Variants in DNAH8 observed in about 807,000 individuals in gnomAD.
DNAH8 encodes dynein axonemal heavy chain 8.
In DNAH8, 382 loss-of-function variants were observed where a neutral mutation model predicts 562.1. The ratio of observed to expected loss-of-function variants is 0.68; its 90% CI spans 0.63 to 0.74. The LOEUF (loss-of-function observed/expected upper bound fraction) is 0.74. Among genes scored for constraint, DNAH8 ranks in the 30% least tolerant of loss-of-function variants. The pLI is 0.00. For synonymous variants in DNAH8, 1,881 were observed against 1,919.4 expected (o/e 0.98, Z 0.52); for missense variants, 5,203 against 5,620.4 (o/e 0.93, Z 2.37).
At chr6:38,944,106 C>T (rs568275005) in intron 79 of DNAH8, among the ~76,000 whole-genome samples, 2 of 152,166 alleles carry the variant, frequency 1.3e-5, no homozygotes, top group South Asian at 2.1e-4. Flanking sequence ...TTGGAAACAA[C>T]CAAGAAGAAA....
chr6:38,715,915 TAA>T (rs1562519733), intron 1 of DNAH8, among the ~76,000 whole-genome samples: 53 of 39,602 alleles, frequency 1.3e-3, no homozygotes, highest in African/African-American at 9.0e-3. Context: ...AATAAATAAA[TAA>T]ATAAATAAAT....
In DNAH8 at chr6:38,775,880, A is replaced by C. The variant is rs757558240; in HGVS notation, c.1891A>C (p.Ile631Leu). The C allele has an allele frequency of 1.7e-5, 28 of 1,612,944 alleles. No homozygotes were observed. The highest frequency in any genetic ancestry group is 4.0e-5 in the African/African-American group (3 of 74,890). The change falls in exon 13 of 93, where the codon ATT (isoleucine) becomes CTT (leucine). Residue 631 changes from isoleucine to leucine, a missense_variant. Physicochemically the swap from Ile to Leu is conservative, Grantham distance 5. Coordinates refer to ENST00000327475, the MANE Select transcript of DNAH8 (RefSeq NM_001206927.2). ...YQGVKKKQYD[I>L]LDPRRTEFDT... ...AGGGGTTAAGAAAAAGCAATATGAC[A>C]TTCTGGATCCAAGAAGGACAGAATT...
intron 88 of DNAH8, among the ~76,000 whole-genome samples, chr6:38,991,769 C>T (rs1764805618): frequency 6.6e-6 from 1 of 152,278 alleles, no homozygotes; most frequent in South Asian, 2.1e-4. Context: ...ACTTGCACTC[C>T]CTGGAACCTC....
chr6:38,923,440 T>C, intron 72 of DNAH8: 1 of 337,676 alleles, frequency 3.0e-6, no homozygotes, highest in Non-Finnish European at 5.5e-6. Context: ...CAGAGCCGTC[T>C]CCACTCCAGT....
At chr6:39,006,181 C>A (rs1765787930) in intron 88 of DNAH8, among the ~76,000 whole-genome samples, 1 of 152,208 alleles carries the variant, frequency 6.6e-6, no homozygotes. Flanking sequence ...CCCAGTGAGA[C>A]CTGTGTCATA....
intron 8 of DNAH8, among the ~76,000 whole-genome samples, chr6:38,747,463 T>G (rs1334481320): frequency 6.7e-6 from 1 of 149,856 alleles, no homozygotes; most frequent in Non-Finnish European, 1.5e-5. Context: ...CTTGGCTCAC[T>G]GCAACCTCCA....
Position 38,737,806 on chromosome 6 carries a change from T to A in DNAH8, c.953-3T>A, listed in dbSNP as rs1764213210. 7.0e-7 allele frequency: 1 copy of A among 1,432,544 alleles called. No homozygotes were observed. The highest frequency in any genetic ancestry group is 9.2e-7 in the Non-Finnish European group (1 of 1,089,934). 88.7% of individuals were successfully genotyped at this position (1,432,544 alleles called of 1,614,324 possible). ...TATTAAATGTCTTTTTTTTCCTTTT[T>A]AGGTGCTAGAATAAGTATTGAGGGA... On this transcript the variant is annotated splice_polypyrimidine_tract_variant and splice_region_variant and intron_variant, in intron 6 of 92. Transcript: ENST00000327475.
intron 88 of DNAH8, among the ~76,000 whole-genome samples, chr6:39,006,260 G>GT (rs1378173087): frequency 6.6e-6 from 1 of 152,190 alleles, no homozygotes; most frequent in Non-Finnish European, 1.5e-5. Flanking sequence ...GTGGCAATTT[G>GT]TTATAGCAGC....
chr6:38,828,085 C>G, intron 29 of DNAH8, 99 bp from the exon 30 acceptor site: 1 of 776,114 alleles, frequency 1.3e-6, no homozygotes, highest in Non-Finnish European at 2.1e-6. Flanking sequence ...AACATGCTGT[C>G]TTCTTCTAAG....
In DNAH8 at chr6:38,864,061, G is replaced by T; in HGVS notation, c.6498+1G>T. The T allele has an allele frequency of 6.2e-7, 1 of 1,600,880 alleles. No individual in the cohort carries two copies. On this transcript the variant is annotated splice_donor_variant, in intron 45 of 92. Transcript: ENST00000327475. LOFTEE classifies it high-confidence loss of function. Reference sequence around the variant, plus strand: ...AGAATTTGGAATCTTCTTAACGATGGTGAGAAAAAAGGCTTTAAATGCAAT... The same window carrying T: ...AGAATTTGGAATCTTCTTAACGATGTTGAGAAAAAAGGCTTTAAATGCAAT...
Position 38,883,333 on chromosome 6 carries a change from C to T in DNAH8, c.8013C>T (p.Leu2671=), listed in dbSNP as rs1778653057. The change falls in exon 55 of 93, where the codon CTC becomes CTT. Residue 2671 remains leucine, a synonymous_variant. Transcript: ENST00000327475. Reference sequence around the variant, plus strand: ...TCCTATGATTGCAGGCTGTTTTGCTCACAGGAGAGCAGGGAACTGCAAAAA... The same window carrying T: ...TCCTATGATTGCAGGCTGTTTTGCTTACAGGAGAGCAGGGAACTGCAAAAA... ...TIAKQHKAVL[L]TGEQGTAKTV... 2.5e-6 allele frequency: 4 copies of T among 1,608,576 alleles called. No individual in the cohort carries two copies. The highest frequency in any genetic ancestry group is 2.7e-5 in the African/African-American group (2 of 74,860).
chr6:38,827,871 C>G (rs1006750224), intron 29 of DNAH8, among the ~76,000 whole-genome samples: 1 of 147,060 alleles, frequency 6.8e-6, no homozygotes, highest in African/African-American at 2.5e-5. Context: ...CTTGTATAGT[C>G]AACCCCTGTT....
chr6:38,890,567 C>T (rs1180080637), intron 57 of DNAH8, 85 bp from the exon 58 acceptor site: 2 of 980,736 alleles, frequency 2.0e-6, no homozygotes, highest in Middle Eastern at 2.2e-4. Context: ...GCTTAGTCAG[C>T]CTTGTAATGA....
chr6:38,868,986 T>C (rs1362486599), intron 48 of DNAH8, among the ~76,000 whole-genome samples: 1 of 152,054 alleles, frequency 6.6e-6, no homozygotes, highest in Non-Finnish European at 1.5e-5. Flanking sequence ...CCCAGCCAGG[T>C]TGTTTTGAAT....
chr6:38,841,773 A>C (rs1583158684), intron 33 of DNAH8, among the ~76,000 whole-genome samples: 1 of 151,786 alleles, frequency 6.6e-6, no homozygotes, highest in Non-Finnish European at 1.5e-5. Flanking sequence ...GCTGGAGTGC[A>C]GTGGTGCAAT....
At chr6:39,008,118 C>A (rs981951701) in intron 88 of DNAH8, among the ~76,000 whole-genome samples, 4 of 152,036 alleles carry the variant, frequency 2.6e-5, no homozygotes, top group Non-Finnish European at 5.9e-5. Context: ...TCTTTCCCTC[C>A]ACAGCACTTG....
At chr6:38,922,244 G>A (rs1016681811) in intron 71 of DNAH8, among the ~76,000 whole-genome samples, 2 of 151,642 alleles carry the variant, frequency 1.3e-5, no homozygotes, top group African/African-American at 4.8e-5. Context: ...AGCAGTGGTG[G>A]TCTGGTAAAT....
chr6:38,717,809 C>T (rs1397951074), intron 1 of DNAH8, among the ~76,000 whole-genome samples: 2 of 151,920 alleles, frequency 1.3e-5, no homozygotes, highest in Non-Finnish European at 2.9e-5. Flanking sequence ...TTACTGATTA[C>T]AATTTTTTTG....
intron 44 of DNAH8, 50 bp from the exon 45 acceptor site, chr6:38,863,823 A>G (rs1776827280): frequency 2.1e-6 from 3 of 1,423,196 alleles, no homozygotes; most frequent in African/African-American, 2.9e-5. Context: ...TGTTATCAAG[A>G]AGGTATATTA....
Sources: gnomAD v4.1 joint callset for allele counts (sites outside exome capture counted in the v4.1 genomes callset) on GRCh38, gnomAD v4.1.1 for gene constraint, MANE v1.5 for transcripts, NCBI Gene and HGNC (gene_info 2026-07-23, HGNC 2026-07-21) for gene names.